Variants in DCTN1 observed in about 807,000 individuals in gnomAD.
The protein encoded by DCTN1 is dynactin subunit 1.
A neutral mutation model predicts 161.2 loss-of-function variants in DCTN1; 61 were observed. The observed-to-expected ratio is 0.38, with a 90% CI of 0.31 to 0.47. The LOEUF (loss-of-function observed/expected upper bound fraction) is 0.47. Ranked by LOEUF, DCTN1 falls within the 20% of genes least tolerant of loss-of-function variation. The pLI, the probability that DCTN1 is intolerant of heterozygous loss-of-function variation, is 0.99. For synonymous variants in DCTN1, 653 were observed against 632.4 expected (o/e 1.03, Z -0.49); for missense variants, 1,404 against 1,623.7 (o/e 0.86, Z 2.33).
chr2:74,386,142 C>G (rs181399314), intron 1 of DCTN1, among the ~76,000 whole-genome samples: 156 of 152,280 alleles, frequency 1.0e-3, no homozygotes, highest in African/African-American at 3.4e-3. Context: ...TGTCCTGCCC[C>G]CTCCATGCCA....
intron 1 of DCTN1, chr2:74,391,460 T>C: frequency 3.9e-6 from 1 of 256,818 alleles, no homozygotes; most frequent in South Asian, 3.8e-5. Flanking sequence ...GACGAATTTC[T>C]CAACCATGTG....
chr2:74,381,545 C>T (rs1463934976), upstream of DCTN1, among the ~76,000 whole-genome samples: 2 of 152,170 alleles, frequency 1.3e-5, no homozygotes, highest in African/African-American at 4.8e-5. Flanking sequence ...TTTCCCTATT[C>T]GCCATTACAC....
Position 74,365,708 on chromosome 2 carries a change from G to A in DCTN1, c.2887-51C>T, listed in dbSNP as rs1674355302. On this transcript the variant is annotated intron_variant, in intron 24 of 31. Transcript: ENST00000628224. Reference sequence around the variant, plus strand: ...CCCTGACATCCTCCCCACAGTCCCTGGAAACTGGGGGCTAGACCATGAGAT... The same window carrying A: ...CCCTGACATCCTCCCCACAGTCCCTAGAAACTGGGGGCTAGACCATGAGAT... 3.7e-6 allele frequency: 6 copies of A among 1,613,586 alleles called. No individual in the cohort carries two copies. In the African/African-American group the frequency reaches 4.0e-5, roughly 11 times the overall value.
In DCTN1 at chr2:74,371,146, C is replaced by T. The variant is rs539287431; in HGVS notation, c.676G>A (p.Asp226Asn). Reference protein sequence around the residue: ...EEEGLRAQVRDLEEKLETLRL... With the variant: ...EEEGLRAQVRNLEEKLETLRL... ...AGGGTCTCTAGTTTCTCCTCCAGGTCCCGCACCTGAGCCCTTAGTCCCTCC... is the reference window on the plus strand; with the variant it reads ...AGGGTCTCTAGTTTCTCCTCCAGGTTCCGCACCTGAGCCCTTAGTCCCTCC... Residue 226 changes from aspartate to asparagine, a missense_variant, in exon 9 of 32, where the codon GAC (aspartate) becomes AAC (asparagine). Transcript: ENST00000628224. The T allele has an allele frequency of 2.5e-6, 4 of 1,614,026 alleles. No individual in the cohort carries two copies. The highest frequency in any genetic ancestry group is 4.5e-5 in the East Asian group (2 of 44,886).
At chr2:74,385,878 T>C (rs1257136674) in intron 1 of DCTN1, 1 of 152,172 alleles carries the variant, frequency 6.6e-6, no homozygotes, top group Non-Finnish European at 1.5e-5. Flanking sequence ...GAGTTAATAA[T>C]CATTATGTTA....
chr2:74,366,964 C>T, intron 20 of DCTN1, 32 bp from the exon 21 acceptor site: 1 of 1,614,110 alleles, frequency 6.2e-7, no homozygotes, highest in Non-Finnish European at 8.5e-7. Context: ...GATGGAGAAC[C>T]AAGTTAGCAT....
At chr2:74,376,700 C>G in intron 5 of DCTN1, 42 bp downstream of exon 5, 1 of 1,580,750 alleles carries the variant, frequency 6.3e-7, no homozygotes, top group Non-Finnish European at 8.6e-7. Flanking sequence ...GGAAGGGGCT[C>G]ATGGCCCCCA....
intron 1 of DCTN1, among the ~76,000 whole-genome samples, chr2:74,379,357 T>TGGCAGAGCCAG (rs2103731240): frequency 6.6e-6 from 1 of 152,316 alleles, no homozygotes; most frequent in Non-Finnish European, 1.5e-5. Context: ...AAGGGAGCCC[T>TGGCAGAGCCAG]GGCAGAGCCA....
chr2:74,362,177 T>C lies in DCTN1; in HGVS notation c.3610-36A>G, dbSNP rs146474501. 22 of 1,595,294 alleles carry C rather than the reference T, an allele frequency of 1.4e-5. No homozygotes were observed. The African/African-American group carries it at 2.5e-4, about 18-fold the overall frequency. On this transcript the variant is annotated intron_variant, in intron 30 of 31. Coordinates refer to ENST00000628224, the MANE Select transcript of DCTN1 (RefSeq NM_004082.5). ...GGAGAGGAAGACAAGGGTTCATTTA[T>C]GGGACCCCCACAGGCTAGCACAAGA...
chr2:74,374,619 G>A (rs549194113), intron 5 of DCTN1: 19 of 1,247,116 alleles, frequency 1.5e-5, no homozygotes, highest in Non-Finnish European at 1.9e-5. Context: ...GCAGGCACCG[G>A]AGCGGTGCCT....
chr2:74,380,053 T>C lies in DCTN1; in HGVS notation c.-16A>G, dbSNP rs754360623. On this transcript the variant is annotated 5_prime_UTR_variant, in exon 1 of 32. Transcript: ENST00000628224. ...TCTGTGCCATGTTGCTCACCCGGCC[T>C]CTACCCCCTCCCCCAGCTGGCCAAA... The C allele has an allele frequency of 6.2e-7, 1 of 1,613,994 alleles. No individual in the cohort carries two copies. Among genetic ancestry groups the C allele is most frequent in the Non-Finnish European group, 8.5e-7 (1 of 1,179,958 alleles).
intron 5 of DCTN1, 77 bp from the exon 6 acceptor site, chr2:74,374,417 G>A (rs1573172589): frequency 6.9e-6 from 11 of 1,605,266 alleles, no homozygotes; most frequent in South Asian, 2.2e-5. Context: ...ACAAACACAC[G>A]GAGGAAGGAC....
At chr2:74,381,967 G>C (rs1168653319), upstream of DCTN1, among the ~76,000 whole-genome samples, 1 of 152,236 alleles carries the variant, frequency 6.6e-6, no homozygotes, top group Non-Finnish European at 1.5e-5. Flanking sequence ...AGGCAACTGA[G>C]TCTTTGAGAA....
At position 74,363,809 on chromosome 2, in the gene DCTN1, G is replaced by C; in HGVS notation, c.3197-181C>G. ...CCTATCTTTGGGGACGAGCAGATAA[G>C]TGTTAAAGAAAGACACCAAACAGGA... On this transcript the variant is annotated intron_variant, in intron 26 of 31. Transcript: ENST00000628224. The C allele has an allele frequency of 6.1e-6, 5 of 814,540 alleles. No individual in the cohort carries two copies. In the South Asian group the frequency reaches 7.8e-5, roughly 13 times the overall value. The allele number at this position is 814,540 out of a possible 1,614,324, so 50.5% of individuals were successfully genotyped here.
At position 74,371,602 on chromosome 2, in the gene DCTN1, G is replaced by A; in HGVS notation, c.580C>T (p.Pro194Ser). The change falls in exon 8 of 32, where the codon CCC (proline) becomes TCC (serine). Residue 194 changes from proline to serine, a missense_variant. Pro to Ser is a moderately conservative substitution (Grantham distance 74). This residue lies in a region of DCTN1 where 174 missense variants were observed against 175.6 expected (regional missense o/e 0.99). Transcript: ENST00000628224. ...STPAQTPLAA[P>S]IIPTPVLTSP... is the part of the protein sequence containing the mutation. The stretch of plus-strand genomic sequence containing the variant: ...GTGAGGACCGGCGTGGGGATGATGG[G>A]TGCTGCCAGCGGAGTCTGAGCCGGG... 1.3e-6 allele frequency: 2 copies of A among 1,589,224 alleles called. No individual in the cohort carries two copies. The highest frequency in any genetic ancestry group is 1.7e-6 in the Non-Finnish European group (2 of 1,168,300).
At position 74,361,410 on chromosome 2, in the gene DCTN1, T is replaced by C. The variant is rs1485944387; in HGVS notation, c.*89A>G. ...GCAGGAAGAGCTTAACCCACGTTTC[T>C]ACCTGGGGGCTGGCTGAGGTGGCTG... On this transcript the variant is annotated 3_prime_UTR_variant, in exon 32 of 32. Transcript: ENST00000628224. 2 of 1,589,078 alleles carry C rather than the reference T, an allele frequency of 1.3e-6. No homozygotes were observed. The highest frequency in any genetic ancestry group is 2.2e-5 in the East Asian group (1 of 44,654).
chr2:74,371,695 C>A lies in DCTN1; in HGVS notation c.487G>T (p.Ala163Ser), dbSNP rs746429168. Residue 163 changes from alanine (A) to serine (S), a missense_variant, in exon 8 of 32, where the codon GCC becomes TCC. Coordinates refer to ENST00000628224, the MANE Select transcript of DCTN1 (RefSeq NM_004082.5). ...CCAGAGGGGCCCAGGGAGCTACTGG[C>A]CCCAGCCACCCCAGTACTGGCTGGG... ...TRPASTGVAG[A>S]SSSLGPSGSA... 7.5e-6 allele frequency: 12 copies of A among 1,607,144 alleles called. No individual in the cohort carries two copies. In the Admixed American group the frequency reaches 8.5e-5, roughly 11 times the overall value.
Position 74,369,802 on chromosome 2 carries a change from G to A in DCTN1, c.1392+163C>T, listed in dbSNP as rs1403377309. On this transcript the variant is annotated intron_variant, in intron 13 of 31. Coordinates refer to ENST00000628224, the MANE Select transcript of DCTN1 (RefSeq NM_004082.5). The surrounding 1 kb of genome is among the most constrained non-coding windows in gnomAD (Gnocchi z 4.9). The stretch of plus-strand genomic sequence containing the variant: ...CTGCGCTCCAGCCTGGCAACAGAGC[G>A]AGATTCCATCTCAGAAAAAAAAAAA... Among the ~76,000 whole-genome samples the A allele has an allele frequency of 4.2e-5, 6 of 143,218 alleles. No individual in the cohort carries two copies. Among genetic ancestry groups the A allele is most frequent in the Non-Finnish European group, 7.5e-5 (5 of 66,590 alleles). The allele number at this position is 143,218 out of a possible 152,430, so 94.0% of individuals were successfully genotyped here.
rs375040197 is a variant in DCTN1, at chr2:74,374,335, C to G, written c.420G>C (p.Pro140=). The change falls in exon 6 of 32, where the codon CCG becomes CCC. Residue 140 remains proline (P), a synonymous_variant. Transcript: ENST00000628224. The part of the protein sequence containing the change: ...KLRGLKPKKA[P]TARKTTTRRP... ...CAAGCAAGAGTACCTTTCGGGCTGT[C>G]GGTGCCTGTCTCATCATTGCAGAAA... The G allele has an allele frequency of 6.2e-7, 1 of 1,612,806 alleles. No homozygotes were observed. The highest frequency in any genetic ancestry group is 8.5e-7 in the Non-Finnish European group (1 of 1,179,418).
Sources: allele counts gnomAD v4.1 joint callset (sites outside exome capture counted in the v4.1 genomes callset), GRCh38; gene constraint gnomAD v4.1.1; regional missense constraint gnomAD v4.1.1; non-coding constraint Gnocchi (gnomAD v3.1); transcripts MANE v1.5; gene names NCBI Gene and HGNC (gene_info 2026-07-23, HGNC 2026-07-21).